ME3: variants seen among roughly 807,000 people sequenced by gnomAD.
The protein encoded by ME3 is malic enzyme 3, also known as NADP-dependent malic enzyme, mitochondrial.
Under a neutral mutation model 68.9 loss-of-function variants are expected in ME3, and 48 were observed. The ratio of observed to expected loss-of-function variants is 0.70; its 90% CI spans 0.55 to 0.89. The LOEUF (loss-of-function observed/expected upper bound fraction) is 0.89. Ranked by LOEUF, ME3 falls within the 40% of genes least tolerant of loss-of-function variation. The probability of loss-of-function intolerance (pLI) is 0.00; values close to 1 mark genes in which losing one functional copy is unlikely to be tolerated. For synonymous variants in ME3, 320 were observed against 318.8 expected, an observed-to-expected ratio of 1.00 and a Z score of -0.04; for missense variants, 675 against 797.4, an observed-to-expected ratio of 0.85 and a Z score of 1.85.
intron 2 of ME3, among the ~76,000 whole-genome samples, chr11:86,645,373 G>T (rs1006660043): frequency 6.6e-6 from 1 of 152,130 alleles, no homozygotes. Context: ...CCAGCTTGGT[G>T]GGGGGAGGGG....
rs563738961 is a variant in ME3, at chr11:86,617,045, G to GTTTTTTTTTTTTTTTTT, written c.183+54700_183+54716dup. On this transcript the variant is annotated intron_variant, in intron 2 of 14. Coordinates refer to ENST00000543262, the Ensembl canonical transcript of ME3. ...ACATCTAAAATACTCCAAGATAGTA[G>GTTTTTTTTTTTTTTTTT]TTTTTTTTTTTTTTTTTTTTTTTTT... Among the ~76,000 whole-genome samples, 13 of 56,320 alleles carry GTTTTTTTTTTTTTTTTT rather than the reference G, an allele frequency of 2.3e-4. 4 individuals are homozygous for GTTTTTTTTTTTTTTTTT. The highest frequency in any genetic ancestry group is 2.5e-4 in the Non-Finnish European group (8 of 32,060). 36.9% of individuals were successfully genotyped at this position (56,320 alleles called of 152,430 possible).
At chr11:86,627,653 C>T (rs746948097) in intron 2 of ME3, among the ~76,000 whole-genome samples, 2 of 152,126 alleles carry the variant, frequency 1.3e-5, no homozygotes, top group East Asian at 1.9e-4. Flanking sequence ...AGTCTGCCCA[C>T]TCTCCTTACT....
chr11:86,664,711 C>G (rs1946486781), intron 2 of ME3, among the ~76,000 whole-genome samples: 1 of 152,134 alleles, frequency 6.6e-6, no homozygotes, highest in Non-Finnish European at 1.5e-5. Context: ...AGTGGAGATG[C>G]TGACAGATGC....
intron 8 of ME3, chr11:86,457,612 G>C: frequency 8.0e-7 from 1 of 1,243,958 alleles, no homozygotes; most frequent in Non-Finnish European, 1.0e-6. Context: ...GTGCTCTTGG[G>C]CTATGCACTA....
chr11:86,667,438 G>A (rs946388859), intron 2 of ME3, among the ~76,000 whole-genome samples: 1 of 152,172 alleles, frequency 6.6e-6, no homozygotes, highest in Admixed American at 6.5e-5. Context: ...GCCATATGTA[G>A]GCATTTATTT....
intron 2 of ME3, among the ~76,000 whole-genome samples, chr11:86,613,407 T>A (rs1449986508): frequency 2.0e-5 from 3 of 151,996 alleles, no homozygotes; most frequent in Non-Finnish European, 4.4e-5. Flanking sequence ...TGAAAACTGG[T>A]ACAAGACAAG....
intron 2 of ME3, among the ~76,000 whole-genome samples, chr11:86,650,391 C>T (rs576772549): frequency 3.9e-5 from 6 of 152,114 alleles, no homozygotes; most frequent in Admixed American, 2.6e-4. Context: ...TCAGTACATA[C>T]GTATGGGCAA....
chr11:86,617,640 C>T (rs1943065264), intron 2 of ME3, among the ~76,000 whole-genome samples: 1 of 152,024 alleles, frequency 6.6e-6, no homozygotes, highest in Non-Finnish European at 1.5e-5. Flanking sequence ...GAAAAACAAT[C>T]TTGTAGAGAA....
chr11:86,487,488 T>C, intron 6 of ME3, 48 bp from the exon 7 acceptor site: 1 of 712,778 alleles, frequency 1.4e-6, no homozygotes, highest in Non-Finnish European at 1.9e-6. Flanking sequence ...GGTGTTCCTG[T>C]TTTTTTTTTT....
intron 6 of ME3, among the ~76,000 whole-genome samples, chr11:86,487,996 A>G (rs7108710): frequency 0.55 from 83,025 of 151,954 alleles, 23,115 homozygotes; most frequent in Non-Finnish European, 0.6. Flanking sequence ...TAGCCAACCC[A>G]GTGAGACCCC....
At chr11:86,528,110 C>T (rs1442823944) in intron 4 of ME3, among the ~76,000 whole-genome samples, 1 of 152,136 alleles carries the variant, frequency 6.6e-6, no homozygotes, top group Non-Finnish European at 1.5e-5. Context: ...TCAGGAAACC[C>T]ATCTCACGTG....
chr11:86,646,852 T>G (rs1272062329), intron 2 of ME3, among the ~76,000 whole-genome samples: 1 of 152,182 alleles, frequency 6.6e-6, no homozygotes, highest in Admixed American at 6.5e-5. Flanking sequence ...ACAGTGGATC[T>G]CTCTGCAGAA....
intron 2 of ME3, among the ~76,000 whole-genome samples, chr11:86,566,215 C>T (rs992273128): frequency 6.6e-6 from 1 of 152,228 alleles, no homozygotes. Flanking sequence ...AATGTAACCC[C>T]TGTTGAATTT....
chr11:86,650,480 C>A (rs886504339), intron 2 of ME3, among the ~76,000 whole-genome samples: 2 of 152,170 alleles, frequency 1.3e-5, no homozygotes. Flanking sequence ...AACTAAAGAG[C>A]TTCTGCACAG....
At chr11:86,524,513 G>T (rs1231106288) in intron 4 of ME3, among the ~76,000 whole-genome samples, 3 of 152,126 alleles carry the variant, frequency 2.0e-5, no homozygotes, top group African/African-American at 7.2e-5. Context: ...CCTAAACCAA[G>T]AAAAAGCTGA....
chr11:86,461,297 G>A (rs1950212872), intron 8 of ME3, among the ~76,000 whole-genome samples: 1 of 152,204 alleles, frequency 6.6e-6, no homozygotes. Context: ...ACGTGGGACA[G>A]CTGTGTTTGT....
chr11:86,623,788 T>C (rs1303888449), intron 2 of ME3, among the ~76,000 whole-genome samples: 1 of 152,210 alleles, frequency 6.6e-6, no homozygotes, highest in Non-Finnish European at 1.5e-5. Context: ...CAAGCAATAA[T>C]GAAATGTTCT....
intron 2 of ME3, 110 bp downstream of exon 2, chr11:86,671,652 A>G (rs772244012): frequency 1.4e-6 from 2 of 1,388,674 alleles, no homozygotes; most frequent in East Asian, 5.4e-5. Flanking sequence ...AAACAGAAAA[A>G]CCGCTGGAAG....
At chr11:86,454,163 T>C (rs1344153319) in intron 8 of ME3, among the ~76,000 whole-genome samples, 2 of 152,246 alleles carry the variant, frequency 1.3e-5, no homozygotes, top group East Asian at 3.8e-4. Context: ...TGTTGTCATC[T>C]ATGGCTGGTG....
Sources: gnomAD v4.1 joint callset for allele counts (sites outside exome capture counted in the v4.1 genomes callset) on GRCh38, gnomAD v4.1.1 for gene constraint, MANE v1.5 for transcripts, NCBI Gene and HGNC (gene_info 2026-07-23, HGNC 2026-07-21) for gene names.